Variants in YIPF2 observed in about 807,000 individuals in gnomAD.
The protein encoded by YIPF2 is protein YIPF2.
Under a neutral mutation model 38.8 loss-of-function variants are expected in YIPF2, and 30 were observed. The observed-to-expected ratio is 0.77, with a 90% CI of 0.58 to 1.05. The LOEUF (loss-of-function observed/expected upper bound fraction) is 1.05, where lower values mean the gene tolerates loss of function less well. Among genes scored for constraint, YIPF2 ranks in the 50% least tolerant of loss-of-function variants. The pLI is 0.00. For synonymous variants in YIPF2, 194 were observed against 183.8 expected (o/e 1.06, Z -0.45); for missense variants, 401 against 409.7 (o/e 0.98, Z 0.18).
intron 5 of YIPF2, among the ~76,000 whole-genome samples, chr19:10,924,718 G>A (rs375661972): frequency 6.6e-6 from 1 of 152,040 alleles, no homozygotes; most frequent in Non-Finnish European, 1.5e-5. Context: ...CGTTAGTCCA[G>A]GCAGAAATCC....
At chr19:10,924,028 C>T (rs1274545176) in intron 6 of YIPF2, 29 bp from the exon 7 acceptor site, 1 of 1,612,642 alleles carries the variant, frequency 6.2e-7, no homozygotes, top group Non-Finnish European at 8.5e-7. Context: ...GCAGTCACCC[C>T]CTGTACCCCA....
intron 4 of YIPF2, among the ~76,000 whole-genome samples, chr19:10,926,130 C>T (rs2083421412): frequency 6.6e-6 from 1 of 151,918 alleles, no homozygotes; most frequent in Non-Finnish European, 1.5e-5. Flanking sequence ...AGGCTGGTCT[C>T]GAACTCCTGA....
At chr19:10,924,309 C>T in intron 5 of YIPF2, 117 bp from the exon 6 acceptor site, 2 of 892,708 alleles carry the variant, frequency 2.2e-6, no homozygotes, top group South Asian at 1.7e-5. Context: ...TTGCCTGACT[C>T]ACCAGGACAC....
At chr19:10,927,039 T>C (rs1353098126) in intron 4 of YIPF2, among the ~76,000 whole-genome samples, 3 of 151,538 alleles carry the variant, frequency 2.0e-5, no homozygotes, top group Admixed American at 1.3e-4. Flanking sequence ...CCGGCTAATT[T>C]TGTTGTATTT....
Position 10,923,585 on chromosome 19 carries a change from C to G in YIPF2, c.744G>C (p.Trp248Cys), listed in dbSNP as rs1555729417. The G allele has an allele frequency of 1.9e-6, 3 of 1,612,930 alleles. No individual in the cohort carries two copies. Among genetic ancestry groups the G allele is most frequent in the Non-Finnish European group, 1.7e-6 (2 of 1,179,778 alleles). ...LSAAGLVFTL[W>C]PVVREDTRLV... ...GCCTGGTGTCCTCACGGACCACGGG[C>G]CAGAGGGTGAATACCAGCCCGGCGG... is the stretch of plus-strand genomic sequence containing the variant. The change falls in exon 8 of 10, where the codon TGG becomes TGC. Residue 248 changes from tryptophan to cysteine, a missense_variant. Coordinates refer to ENST00000586748, the MANE Select transcript of YIPF2 (RefSeq NM_001321439.2).
In YIPF2 at chr19:10,927,626, T is replaced by A. The variant is rs1392960239; in HGVS notation, c.279+4A>T. ...CCCCATCCCACCTGCCTCCCCAGCC[T>A]GACCTGTGAGGTGTCCACGTCAAAG... is the stretch of plus-strand genomic sequence containing the variant. On this transcript the variant is annotated splice_donor_region_variant and intron_variant, in intron 4 of 9. Coordinates refer to ENST00000586748, the MANE Select transcript of YIPF2 (RefSeq NM_001321439.2). 6.2e-7 allele frequency: 1 copy of A among 1,613,520 alleles called. No homozygotes were observed.
chr19:10,925,061 G>A (rs1016604781), intron 5 of YIPF2, among the ~76,000 whole-genome samples: 15 of 151,904 alleles, frequency 9.9e-5, no homozygotes, highest in East Asian at 5.8e-4. Context: ...GTGAAACTCC[G>A]TCCCTAATAA....
chr19:10,926,775 C>G (rs1407758102), intron 4 of YIPF2, among the ~76,000 whole-genome samples: 1 of 152,182 alleles, frequency 6.6e-6, no homozygotes, highest in East Asian at 1.9e-4. Context: ...GATCCACCGC[C>G]TCGGCATCCC....
At chr19:10,925,562 T>C in intron 5 of YIPF2, 124 bp downstream of exon 5, 3 of 1,162,940 alleles carry the variant, frequency 2.6e-6, no homozygotes, top group Non-Finnish European at 2.4e-6. Context: ...TCTGTCTCCC[T>C]GAACAGCAGG....
At chr19:10,926,981 T>C (rs1037641288) in intron 4 of YIPF2, among the ~76,000 whole-genome samples, 24 of 152,252 alleles carry the variant, frequency 1.6e-4, no homozygotes, top group African/African-American at 5.3e-4. Context: ...GCGATTCTCC[T>C]GCCTCAGCCT....
intron 2 of YIPF2, among the ~76,000 whole-genome samples, 156 bp from the exon 3 acceptor site, chr19:10,928,115 G>C (rs146149890): frequency 4.3e-4 from 66 of 152,188 alleles, no homozygotes; most frequent in Middle Eastern, 6.8e-3. Context: ...GGAGGCATCC[G>C]GAGGACATCT....
rs2074312343 is a variant in YIPF2, at chr19:10,923,784, C to T, written c.651+49G>A. 8 of 1,592,686 alleles carry T rather than the reference C, an allele frequency of 5.0e-6. No homozygotes were observed. The East Asian group carries it at 1.8e-4, about 36-fold the overall frequency. ...GGGAATGAGGCGGCAGGTGACCATG[C>T]CAGTGTCCCCACACAGCCACCACCC... On this transcript the variant is annotated intron_variant, in intron 7 of 9. Transcript: ENST00000586748.
At chr19:10,925,060 C>T (rs1451821936) in intron 5 of YIPF2, among the ~76,000 whole-genome samples, 8 of 151,992 alleles carry the variant, frequency 5.3e-5, no homozygotes, top group East Asian at 1.9e-4. Context: ...GGTGAAACTC[C>T]GTCCCTAATA....
At chr19:10,924,325 G>T in intron 5 of YIPF2, 133 bp from the exon 6 acceptor site, 1 of 755,590 alleles carries the variant, frequency 1.3e-6, no homozygotes, top group Non-Finnish European at 2.1e-6. Context: ...GACACCGGGG[G>T]CCTCCTGGTG....
At chr19:10,926,485 C>A (rs531214917) in intron 4 of YIPF2, among the ~76,000 whole-genome samples, 31 of 152,144 alleles carry the variant, frequency 2.0e-4, no homozygotes, top group African/African-American at 7.5e-4. Context: ...CTTGGCCTCC[C>A]AAAGTGCTGG....
chr19:10,923,309 C>G lies in YIPF2; in HGVS notation c.933G>C (p.Gln311His). Reference sequence around the variant, plus strand: ...GGCCTTCCTAGGAGGGGGCCAGGGACTGCGGCAAGGTAGGGGACAGCGCGA... The same window carrying G: ...GGCCTTCCTAGGAGGGGGCCAGGGAGTGCGGCAAGGTAGGGGACAGCGCGA... ...SNIALSPTLP[Q>H]SLAPS is the part of the protein sequence containing the mutation. Residue 311 changes from glutamine to histidine, a missense_variant, in exon 9 of 10, where the codon CAG (glutamine) becomes CAC (histidine). Physicochemically the swap from Gln to His is conservative, Grantham distance 24. Coordinates refer to ENST00000586748, the MANE Select transcript of YIPF2 (RefSeq NM_001321439.2). 1 of 1,611,630 alleles carries G rather than the reference C, an allele frequency of 6.2e-7. No homozygotes were observed. The highest frequency in any genetic ancestry group is 8.5e-7 in the Non-Finnish European group (1 of 1,179,042).
At position 10,923,562 on chromosome 19, in the gene YIPF2, C is replaced by A; in HGVS notation, c.767G>T (p.Arg256Met). The A allele has an allele frequency of 6.2e-7, 1 of 1,612,748 alleles. No individual in the cohort carries two copies. The highest frequency in any genetic ancestry group is 1.1e-5 in the South Asian group (1 of 91,082). The change falls in exon 8 of 10, where the codon AGG becomes ATG. Residue 256 changes from arginine (R) to methionine (M), a missense_variant. Physicochemically the swap from Arg to Met is moderately conservative, Grantham distance 91 (BLOSUM62 -1). Transcript: ENST00000586748. ...TLWPVVREDT[R>M]LVATVLLSVV... ...GGACAGCAGCACTGTGGCCACCAGC[C>A]TGGTGTCCTCACGGACCACGGGCCA...
chr19:10,928,554 G>A lies in YIPF2; in HGVS notation c.-74C>T. ...CACGGAGGCTTGAACTCGTCGTCCC[G>A]TCCCCACAGGTGCGCTCCGCCCCCC... On this transcript the variant is annotated 5_prime_UTR_variant, in exon 1 of 10. The change creates a new upstream start codon in the 5' untranslated region. Coordinates refer to ENST00000586748, the MANE Select transcript of YIPF2 (RefSeq NM_001321439.2). The A allele has an allele frequency of 3.5e-6, 4 of 1,135,108 alleles. No homozygotes were observed. The highest frequency in any genetic ancestry group is 4.7e-6 in the Non-Finnish European group (4 of 856,760). 70.3% of individuals were successfully genotyped at this position (1,135,108 alleles called of 1,614,324 possible). A position where few individuals can be genotyped will look rare whatever the true frequency, so the allele number is the denominator to read the frequency against.
At position 10,927,835 on chromosome 19, in the gene YIPF2, G is replaced by A; in HGVS notation, c.156C>T (p.Ala52=). 1.2e-6 allele frequency: 2 copies of A among 1,609,676 alleles called. No homozygotes were observed. Among genetic ancestry groups the A allele is most frequent in the Non-Finnish European group, 8.5e-7 (1 of 1,177,188 alleles). Reference sequence around the variant, plus strand: ...CACTCTCCTCCTCCACCTCATCCTCGGCTCCATAGCTGCCACCTGAGCCCA... The same window carrying A: ...CACTCTCCTCCTCCACCTCATCCTCAGCTCCATAGCTGCCACCTGAGCCCA... ...VAVGSGGSYG[A]EDEVEEESDK... The change falls in exon 3 of 10, where the codon GCC becomes GCT. Residue 52 remains alanine (A), a synonymous_variant. Coordinates refer to ENST00000586748, the MANE Select transcript of YIPF2 (RefSeq NM_001321439.2).
Sources: gnomAD v4.1 joint callset for allele counts (sites outside exome capture counted in the v4.1 genomes callset) on GRCh38, gnomAD v4.1.1 for gene constraint, MANE v1.5 for transcripts, NCBI Gene and HGNC (gene_info 2026-07-23, HGNC 2026-07-21) for gene names.